The following DTD1 variants were observed in gnomAD, a reference collection of about 807,000 sequenced individuals.
DTD1 encodes the protein D-tyrosyl-tRNA deacylase 1 homolog.
In DTD1, 13 loss-of-function variants were observed where a neutral mutation model predicts 25.6. The observed-to-expected ratio is 0.51, with a 90% CI of 0.33 to 0.81. The LOEUF is 0.81. Among genes scored for constraint, DTD1 ranks in the 30% least tolerant of loss-of-function variants. The probability of loss-of-function intolerance (pLI) is 0.02; values close to 1 mark genes in which losing one functional copy is unlikely to be tolerated. For synonymous variants in DTD1, 110 were observed against 103.6 expected, an observed-to-expected ratio of 1.06 and a Z score of -0.37; for missense variants, 193 against 266.4, an observed-to-expected ratio of 0.72 and a Z score of 1.92.
At chr20:18,724,894 T>A (rs1050369475) in intron 4 of DTD1, among the ~76,000 whole-genome samples, 1 of 152,240 alleles carries the variant, frequency 6.6e-6, no homozygotes, top group Non-Finnish European at 1.5e-5. Flanking sequence ...CTAATAGAAA[T>A]GTGACTGGCA....
chr20:18,709,513 G>C (rs1174986252), intron 4 of DTD1, among the ~76,000 whole-genome samples: 1 of 152,130 alleles, frequency 6.6e-6, no homozygotes, highest in East Asian at 1.9e-4. Flanking sequence ...GCAGGTCATG[G>C]CTATGTCTGA....
chr20:18,751,247 T>C (rs1332734907), intron 5 of DTD1, among the ~76,000 whole-genome samples: 2 of 152,234 alleles, frequency 1.3e-5, no homozygotes, highest in Non-Finnish European at 2.9e-5. Flanking sequence ...GGTATAAAAC[T>C]AGCTGTGTCT....
rs373551214 is a variant in DTD1, at chr20:18,709,503, G to A, written c.478-34597G>A. Among the ~76,000 whole-genome samples the A allele has an allele frequency of 2.6e-5, 4 of 152,276 alleles. No individual in the cohort carries two copies. The East Asian group carries it at 7.7e-4, about 29-fold the overall frequency. ...AACCATCTACCTGGCTCCTAAAGGT[G>A]CAGGTCATGGCTATGTCTGAGACTG... On this transcript the variant is annotated intron_variant, in intron 4 of 5. Transcript: ENST00000377452.
At chr20:18,745,699 G>C (rs2061297446) in intron 5 of DTD1, among the ~76,000 whole-genome samples, 1 of 152,138 alleles carries the variant, frequency 6.6e-6, no homozygotes, top group Non-Finnish European at 1.5e-5. Context: ...CAGAAGGGTG[G>C]GAGTGTTGAG....
At chr20:18,638,680 G>A (rs1243906774) in intron 4 of DTD1, among the ~76,000 whole-genome samples, 2 of 152,216 alleles carry the variant, frequency 1.3e-5, no homozygotes, top group Non-Finnish European at 2.9e-5. Context: ...ATGGGCCAAG[G>A]TAAGGAATTT....
chr20:18,633,075 A>G (rs1014116332), intron 4 of DTD1, among the ~76,000 whole-genome samples: 1 of 152,190 alleles, frequency 6.6e-6, no homozygotes, highest in African/African-American at 2.4e-5. Flanking sequence ...CAACTTAGGA[A>G]AGGTTACAAG....
At chr20:18,631,584 A>G (rs2060787768) in intron 4 of DTD1, 1 of 985,166 alleles carries the variant, frequency 1.0e-6, no homozygotes, top group African/African-American at 1.7e-5. Flanking sequence ...AAAGGTTCTC[A>G]CCGAGGGCCC....
At chr20:18,660,472 T>C (rs954512770) in intron 4 of DTD1, among the ~76,000 whole-genome samples, 1 of 152,056 alleles carries the variant, frequency 6.6e-6, no homozygotes, top group East Asian at 1.9e-4. Context: ...CTGCCTGCCT[T>C]GGCCTCCCAA....
intron 4 of DTD1, among the ~76,000 whole-genome samples, chr20:18,721,167 T>G (rs1434706808): frequency 6.6e-6 from 1 of 152,238 alleles, no homozygotes; most frequent in African/African-American, 2.4e-5. Context: ...GAGACAATGC[T>G]TCTATTGTTT....
At chr20:18,757,190 T>G (rs1049806284) in intron 5 of DTD1, among the ~76,000 whole-genome samples, 1 of 152,222 alleles carries the variant, frequency 6.6e-6, no homozygotes, top group African/African-American at 2.4e-5. Context: ...TGGGGTTTTC[T>G]AGATATACAA....
chr20:18,651,835 C>A (rs2060875254), intron 4 of DTD1, among the ~76,000 whole-genome samples: 1 of 152,206 alleles, frequency 6.6e-6, no homozygotes, highest in South Asian at 2.1e-4. Context: ...AACACTGCCC[C>A]AAAAGATTAG....
intron 5 of DTD1, among the ~76,000 whole-genome samples, chr20:18,754,546 A>G (rs138325626): frequency 3.9e-5 from 6 of 152,320 alleles, no homozygotes; most frequent in East Asian, 1.9e-4. Flanking sequence ...CTGAATTTCA[A>G]GCCTCAATGG....
chr20:18,664,993 A>T (rs2060926160), intron 4 of DTD1, among the ~76,000 whole-genome samples: 1 of 152,220 alleles, frequency 6.6e-6, no homozygotes, highest in African/African-American at 2.4e-5. Flanking sequence ...CAGAAAAAAA[A>T]TAATAAAAAG....
At chr20:18,739,941 C>T (rs1393783511) in intron 4 of DTD1, among the ~76,000 whole-genome samples, 1 of 133,660 alleles carries the variant, frequency 7.5e-6, no homozygotes, top group Non-Finnish European at 1.7e-5. Flanking sequence ...AGAGAGTCAG[C>T]ATTACATCAC....
chr20:18,697,003 C>T (rs566812200), intron 4 of DTD1, among the ~76,000 whole-genome samples: 7 of 151,642 alleles, frequency 4.6e-5, no homozygotes, highest in East Asian at 3.9e-4. Context: ...GTGGCAGAGG[C>T]GGGCAGATCA....
chr20:18,652,818 A>C (rs1424787932), intron 4 of DTD1, among the ~76,000 whole-genome samples: 2 of 152,236 alleles, frequency 1.3e-5, no homozygotes. Flanking sequence ...TGTAGACTGC[A>C]AAACTCTATG....
intron 4 of DTD1, among the ~76,000 whole-genome samples, chr20:18,708,611 C>T (rs1032085180): frequency 4.0e-5 from 6 of 151,524 alleles, no homozygotes; most frequent in African/African-American, 9.7e-5. Context: ...CCGCCTCGGC[C>T]TCCCAAAGTG....
At chr20:18,724,989 C>T (rs2061218043) in intron 4 of DTD1, among the ~76,000 whole-genome samples, 1 of 152,246 alleles carries the variant, frequency 6.6e-6, no homozygotes, top group South Asian at 2.1e-4. Flanking sequence ...AGTGAGGGTT[C>T]TTGGCTTTAC....
intron 3 of DTD1, among the ~76,000 whole-genome samples, chr20:18,618,395 A>G (rs964848068): frequency 2.0e-5 from 3 of 151,048 alleles, no homozygotes; most frequent in African/African-American, 7.3e-5. Context: ...TTTGTCACCC[A>G]GGCTGGACTG....
Sources: gnomAD v4.1 joint callset for allele counts (sites outside exome capture counted in the v4.1 genomes callset) on GRCh38, gnomAD v4.1.1 for gene constraint, MANE v1.5 for transcripts, NCBI Gene and HGNC (gene_info 2026-07-23, HGNC 2026-07-21) for gene names.